The following SUN5 variants were observed in gnomAD, a reference collection of about 807,000 sequenced individuals.
SUN5 encodes Sad1 and UNC84 domain containing 5.
In SUN5, 44 loss-of-function variants were observed where a neutral mutation model predicts 53.7. The ratio of observed to expected loss-of-function variants is 0.82; its 90% CI spans 0.64 to 1.05. The LOEUF is 1.05. Ranked by LOEUF, SUN5 falls within the 50% of genes least tolerant of loss-of-function variation. SUN5 has a pLI of 0.00. For synonymous variants in SUN5, 166 were observed against 179.8 expected (o/e 0.92, Z 0.62); for missense variants, 433 against 483.8 (o/e 0.90, Z 0.98).
chr20:32,998,865 A>AAT (rs1445859572), intron 5 of SUN5, among the ~76,000 whole-genome samples: 1 of 151,686 alleles, frequency 6.6e-6, no homozygotes, highest in East Asian at 1.9e-4. Flanking sequence ...AAAAAAAAAA[A>AAT]TTTAAACAAA....
At chr20:32,997,903 G>A (rs1989894864) in intron 5 of SUN5, among the ~76,000 whole-genome samples, 2 of 152,154 alleles carry the variant, frequency 1.3e-5, no homozygotes, top group Non-Finnish European at 2.9e-5. Flanking sequence ...TATCAAATGT[G>A]TAATACATGG....
At chr20:32,986,158 TTCATTCATTCATTTACTCACTCAC>T (rs1989533444) in intron 10 of SUN5, among the ~76,000 whole-genome samples, 1 of 152,194 alleles carries the variant, frequency 6.6e-6, no homozygotes, top group Non-Finnish European at 1.5e-5. Context: ...CTGGCACCCA[TTCATTCATTCATTTACTCACTCAC>T]TCATTCATTC....
chr20:32,983,844 C>A lies in SUN5; in HGVS notation c.1090G>T (p.Ala364Ser), dbSNP rs151243035. The A allele has an allele frequency of 2.4e-5, 38 of 1,590,822 alleles. No homozygotes were observed. In the African/African-American group the frequency reaches 4.7e-4, roughly 20 times the overall value. ...LYRVRVHGSV[A>S]PPREQPHQNP... ...TGGTGAGGCTGCTCTCTGGGCGGGG[C>A]CACAGAGCCATGCACTCGCACGCGG... is the stretch of plus-strand genomic sequence containing the variant. Residue 364 changes from alanine (A) to serine (S), a missense_variant, in exon 13 of 13, where the codon GCC becomes TCC. Coordinates refer to ENST00000356173, the MANE Select transcript of SUN5 (RefSeq NM_080675.4).
Position 33,002,641 on chromosome 20 carries a change from C to T in SUN5, c.157G>A (p.Val53Ile), listed in dbSNP as rs545141910. 6.2e-7 allele frequency: 1 copy of T among 1,614,244 alleles called. No homozygotes were observed. The highest frequency in any genetic ancestry group is 1.3e-5 in the African/African-American group (1 of 75,068). The change falls in exon 3 of 13, where the codon GTC becomes ATC. Residue 53 changes from valine (V) to isoleucine (I), a missense_variant. Transcript: ENST00000356173. The part of the protein sequence containing the change: ...PNMNDNILLP[V>I]RNNDQALGLT... ...CCTAGGGCTTGGTCATTGTTGCGGACAGGCAACAGGATGTTGTCATCTGCA... is the reference window on the plus strand; with the variant it reads ...CCTAGGGCTTGGTCATTGTTGCGGATAGGCAACAGGATGTTGTCATCTGCA...
chr20:32,987,969 T>C lies in SUN5; in HGVS notation c.614-194A>G, dbSNP rs1446332667. 4.6e-5 allele frequency among the ~76,000 whole-genome samples: 7 copies of C among 152,154 alleles called. No homozygotes were observed. The South Asian group carries it at 1.0e-3, about 22-fold the overall frequency. On this transcript the variant is annotated intron_variant, in intron 9 of 12. Transcript: ENST00000356173. The stretch of plus-strand genomic sequence containing the variant: ...GGCTATTATTTTTTATTTTATCTTA[T>C]ATTTTTTGAGATGGAGTCTTGCTCA...
chr20:33,002,157 T>C (rs560172549), intron 3 of SUN5, among the ~76,000 whole-genome samples: 1 of 99,926 alleles, frequency 1.0e-5, no homozygotes, highest in Admixed American at 9.5e-5. Context: ...AAGAAGGGAA[T>C]GGCTGTCTGG....
intron 8 of SUN5, among the ~76,000 whole-genome samples, chr20:32,995,307 T>G (rs556414390): frequency 6.6e-6 from 1 of 152,312 alleles, no homozygotes; most frequent in African/African-American, 2.4e-5. Context: ...AGAGTGCCAT[T>G]AGACTTCTCA....
At position 32,987,738 on chromosome 20, in the gene SUN5, A is replaced by G. The variant is rs2046477293; in HGVS notation, c.651T>C (p.Tyr217=). 2 of 1,613,426 alleles carry G rather than the reference A, an allele frequency of 1.2e-6. No homozygotes were observed. Among genetic ancestry groups the G allele is most frequent in the African/African-American group, 1.3e-5 (1 of 74,946 alleles). The change falls in exon 10 of 13, where the codon TAT becomes TAC. Residue 217 remains tyrosine, a synonymous_variant. Coordinates refer to ENST00000356173, the MANE Select transcript of SUN5 (RefSeq NM_080675.4). The part of the protein sequence containing the change: ...SIDFEHTSVT[Y]NHEKAHSYWN... ...AGTAGGAGTGGGCCTTCTCATGGTT[A>G]TAGGTGACTGACGTGTGCTCAAAGT...
At chr20:33,001,392 G>A (rs1295126414) in intron 3 of SUN5, 114 bp from the exon 4 acceptor site, 19 of 1,222,550 alleles carry the variant, frequency 1.6e-5, no homozygotes, top group African/African-American at 1.2e-4. Context: ...AGACCCTCTC[G>A]ACTTGTTGGC....
At chr20:32,995,258 AG>A (rs1239634470) in intron 8 of SUN5, among the ~76,000 whole-genome samples, 3 of 152,218 alleles carry the variant, frequency 2.0e-5, no homozygotes, top group Non-Finnish European at 4.4e-5. Flanking sequence ...ACAAGCTCCC[AG>A]GGATAAAAAA....
At chr20:32,988,576 T>TTTTATTTATTTATTTA (rs10681483) in intron 9 of SUN5, among the ~76,000 whole-genome samples, 1 of 150,550 alleles carries the variant, frequency 6.6e-6, no homozygotes, top group Non-Finnish European at 1.5e-5. Context: ...CTGATTATTA[T>TTTTATTTATTTATTTA]TTTATTTATT....
intron 8 of SUN5, among the ~76,000 whole-genome samples, chr20:32,990,558 T>C (rs1477417899): frequency 6.6e-6 from 1 of 152,112 alleles, no homozygotes; most frequent in African/African-American, 2.4e-5. Flanking sequence ...TCCTAAAAAA[T>C]GATACAGCAC....
At chr20:33,001,110 T>A in intron 4 of SUN5, 102 bp downstream of exon 4, 1 of 1,343,904 alleles carries the variant, frequency 7.4e-7, no homozygotes, top group Middle Eastern at 1.8e-4. Context: ...GCTTTTCTGG[T>A]CTGGCTACCA....
At chr20:32,999,989 T>G in intron 5 of SUN5, 85 bp downstream of exon 5, 3 of 1,565,442 alleles carry the variant, frequency 1.9e-6, no homozygotes, top group Non-Finnish European at 1.7e-6. Flanking sequence ...CACGTGGCAG[T>G]GCAGTGTCTT....
Position 32,990,537 on chromosome 20 carries a change from C to T in SUN5, c.535-839G>A, listed in dbSNP as rs375509071. On this transcript the variant is annotated intron_variant, in intron 8 of 12. Transcript: ENST00000356173. ...TGGCAGAAGTGATGCTGTGTGACATCTAGGGCTAAGTCCTAAAAAATGATA... is the reference window on the plus strand; with the variant it reads ...TGGCAGAAGTGATGCTGTGTGACATTTAGGGCTAAGTCCTAAAAAATGATA... Among the ~76,000 whole-genome samples, 32 of 152,282 alleles carry T rather than the reference C, an allele frequency of 2.1e-4. No homozygotes were observed. In the Middle Eastern group the frequency reaches 0.017, roughly 81 times the overall value.
intron 8 of SUN5, among the ~76,000 whole-genome samples, chr20:32,994,253 C>T (rs1989782238): frequency 6.6e-6 from 1 of 152,184 alleles, no homozygotes; most frequent in Non-Finnish European, 1.5e-5. Context: ...TCTATTTCAT[C>T]CTCCTTATAA....
intron 10 of SUN5, among the ~76,000 whole-genome samples, chr20:32,986,570 C>G (rs6087438): frequency 0.38 from 58,307 of 151,986 alleles, 12,320 homozygotes; most frequent in Middle Eastern, 0.51. Flanking sequence ...GGGAAGGCCT[C>G]CTGAGGAGCT....
intron 8 of SUN5, among the ~76,000 whole-genome samples, chr20:32,995,057 AG>A (rs1435408143): frequency 6.6e-6 from 1 of 152,214 alleles, no homozygotes; most frequent in Non-Finnish European, 1.5e-5. Flanking sequence ...AGGCTTTCAA[AG>A]CATAGGCCTA....
chr20:33,001,556 T>TTCTTTC (rs1555876518), intron 3 of SUN5, among the ~76,000 whole-genome samples: 1 of 138,820 alleles, frequency 7.2e-6, no homozygotes, highest in Non-Finnish European at 1.5e-5. Flanking sequence ...CTTTCTTTCT[T>TTCTTTC]TCTTTCTTTT....
Sources: allele counts gnomAD v4.1 joint callset (sites outside exome capture counted in the v4.1 genomes callset), GRCh38; gene constraint gnomAD v4.1.1; transcripts MANE v1.5; gene names NCBI Gene and HGNC (gene_info 2026-07-23, HGNC 2026-07-21).